The following DST variants were observed in gnomAD, a reference collection of about 807,000 sequenced individuals.
DST encodes bullous pemphigoid antigen.
Under a neutral mutation model 875.2 loss-of-function variants are expected in DST, and 253 were observed. That is an observed-to-expected ratio of 0.29 (90% CI 0.26 to 0.32). DST has a LOEUF of 0.32. DST is among the 10% of genes least tolerant of loss of function. The pLI is 1.00. For synonymous variants in DST, 3,124 were observed against 3,197.1 expected (o/e 0.98, Z 0.77); for missense variants, 8,287 against 9,111.6 (o/e 0.91, Z 3.68).
At chr6:56,479,226 G>A (rs1346548562) in intron 90 of DST, among the ~76,000 whole-genome samples, 1 of 152,102 alleles carries the variant, frequency 6.6e-6, no homozygotes, top group African/African-American at 2.4e-5. Context: ...GCCACCCTGA[G>A]ATATCATATT....
At chr6:56,492,797 G>A (rs957905080) in intron 84 of DST, 137 bp downstream of exon 84, 14 of 728,026 alleles carry the variant, frequency 1.9e-5, no homozygotes, top group East Asian at 2.9e-5. Flanking sequence ...CGCTTGAACC[G>A]GGAGGCAGAG....
intron 47 of DST, among the ~76,000 whole-genome samples, chr6:56,596,572 T>C (rs1001213736): frequency 6.6e-6 from 1 of 152,216 alleles, no homozygotes; most frequent in African/African-American, 2.4e-5. Flanking sequence ...TTATTTTTCA[T>C]AATAAGGTCC....
At chr6:56,887,224 C>T (rs1785052257) in intron 3 of DST, among the ~76,000 whole-genome samples, 1 of 152,152 alleles carries the variant, frequency 6.6e-6, no homozygotes, top group Non-Finnish European at 1.5e-5. Context: ...GCTCTAAGAT[C>T]CCCTCAAGCT....
At chr6:56,764,012 A>G (rs761152569) in intron 4 of DST, among the ~76,000 whole-genome samples, 1 of 151,792 alleles carries the variant, frequency 6.6e-6, no homozygotes. Context: ...ATAATTAAGT[A>G]TAGTATTAAG....
intron 5 of DST, among the ~76,000 whole-genome samples, 165 bp from the exon 6 acceptor site, chr6:56,704,534 T>C (rs796465447): frequency 6.6e-6 from 1 of 152,224 alleles, no homozygotes; most frequent in South Asian, 2.1e-4. Context: ...AAATTTAATT[T>C]AAAAACTTAA....
intron 61 of DST, chr6:56,540,398 A>C (rs1035032879): frequency 6.6e-6 from 1 of 152,550 alleles, no homozygotes; most frequent in African/African-American, 2.4e-5. Context: ...CTTATAGAGC[A>C]TTTCGCTCTC....
chr6:56,786,634 G>A (rs1346889685), intron 4 of DST, among the ~76,000 whole-genome samples: 1 of 152,206 alleles, frequency 6.6e-6, no homozygotes, highest in Non-Finnish European at 1.5e-5. Context: ...CTGGGTTCAA[G>A]TGATTCTCTT....
At chr6:56,942,758 C>T (rs1817324565) in intron 2 of DST, among the ~76,000 whole-genome samples, 1 of 137,252 alleles carries the variant, frequency 7.3e-6, no homozygotes, top group African/African-American at 2.7e-5. Context: ...CTCTGCTGCC[C>T]AGGCTAGAGT....
intron 9 of DST, among the ~76,000 whole-genome samples, chr6:56,679,648 G>A (rs1563638783): frequency 1.3e-5 from 2 of 150,370 alleles, no homozygotes; most frequent in Non-Finnish European, 3.0e-5. Context: ...CCACGTGCCT[G>A]CGGTCCAAGC....
At chr6:56,746,525 G>A (rs2099572938) in intron 4 of DST, among the ~76,000 whole-genome samples, 1 of 152,104 alleles carries the variant, frequency 6.6e-6, no homozygotes, top group South Asian at 2.1e-4. Context: ...AGGAAAATCT[G>A]CACATAGTAA....
chr6:56,927,875 C>G (rs1391221971), intron 2 of DST, among the ~76,000 whole-genome samples: 1 of 152,146 alleles, frequency 6.6e-6, no homozygotes, highest in Non-Finnish European at 1.5e-5. Flanking sequence ...ACTGAGCAAC[C>G]TGCAGACCAT....
chr6:56,691,488 G>A (rs2099228942), intron 9 of DST, among the ~76,000 whole-genome samples: 2 of 152,084 alleles, frequency 1.3e-5, no homozygotes, highest in Admixed American at 1.3e-4. Context: ...TTGATACAAT[G>A]ACCTTGCCAA....
At chr6:56,640,116 A>T in intron 18 of DST, 27 bp downstream of exon 18, 1 of 1,613,366 alleles carries the variant, frequency 6.2e-7, no homozygotes, top group Non-Finnish European at 8.5e-7. Flanking sequence ...AGACTGAAAC[A>T]CTCAGGTAAA....
intron 3 of DST, chr6:56,871,198 A>G (rs560242568): frequency 1.9e-4 from 142 of 754,296 alleles, no homozygotes; most frequent in Non-Finnish European, 3.2e-4. Context: ...AAAATGGTTC[A>G]CTATTTACTT....
Position 56,737,949 on chromosome 6 carries a change from T to C in DST, c.626-2660A>G, listed in dbSNP as rs1483624428. Among the ~76,000 whole-genome samples the C allele has an allele frequency of 2.0e-5, 3 of 152,256 alleles. No homozygotes were observed. The South Asian group carries it at 6.2e-4, about 32-fold the overall frequency. The stretch of plus-strand genomic sequence containing the variant: ...GTTCGAGAAAAGGAAATAAGGAAAT[T>C]TTAGTAAAGTGATACAATGGTCTGT... On this transcript the variant is annotated intron_variant, in intron 4 of 103. Coordinates refer to ENST00000680361, the MANE Select transcript of DST (RefSeq NM_001374736.1).
chr6:56,537,669 T>C (rs1053084844), intron 61 of DST, among the ~76,000 whole-genome samples: 2 of 152,174 alleles, frequency 1.3e-5, no homozygotes, highest in Non-Finnish European at 1.5e-5. Context: ...TCTGTAGTCA[T>C]TGTCACCCAT....
intron 93 of DST, 83 bp downstream of exon 93, chr6:56,473,790 C>T (rs1412224168): frequency 7.3e-7 from 1 of 1,372,090 alleles, no homozygotes; most frequent in Non-Finnish European, 9.9e-7. Flanking sequence ...TCACCAATTG[C>T]CCCCAAATTT....
chr6:56,509,799 G>C lies in DST; in HGVS notation c.18855C>G (p.Ile6285Met). 1 of 1,613,690 alleles carries C rather than the reference G, an allele frequency of 6.2e-7. No individual in the cohort carries two copies. Among genetic ancestry groups the C allele is most frequent in the Non-Finnish European group, 8.5e-7 (1 of 1,179,718 alleles). Reference protein sequence around the residue: ...IVERLRQPPSISAEVEKIKEQ... With the variant: ...IVERLRQPPSMSAEVEKIKEQ... ...CCTTGATCTTCTCAACCTCTGCAGA[G>C]ATAGAGGGTGGCTGCCTCAGACGTT... The change falls in exon 74 of 104, where the codon ATC becomes ATG. Residue 6285 changes from isoleucine to methionine, a missense_variant. Transcript: ENST00000680361.
intron 9 of DST, among the ~76,000 whole-genome samples, chr6:56,682,221 G>A (rs1023002805): frequency 6.6e-6 from 1 of 152,074 alleles, no homozygotes; most frequent in Non-Finnish European, 1.5e-5. Flanking sequence ...CACCCAGACT[G>A]GAGTGCAATG....
Sources: gnomAD v4.1 joint callset for allele counts (sites outside exome capture counted in the v4.1 genomes callset) on GRCh38, gnomAD v4.1.1 for gene constraint, MANE v1.5 for transcripts, NCBI Gene and HGNC (gene_info 2026-07-23, HGNC 2026-07-21) for gene names.